The following MACROD2 variants were observed in gnomAD, a reference collection of about 807,000 sequenced individuals.
MACROD2 encodes mono-ADP ribosylhydrolase 2.
Under a neutral mutation model 70.4 loss-of-function variants are expected in MACROD2, and 36 were observed. The observed-to-expected ratio is 0.51, with a 90% confidence interval of 0.39 to 0.68. MACROD2 has a LOEUF of 0.68. Ranked by LOEUF, MACROD2 falls within the 30% of genes least tolerant of loss-of-function variation. MACROD2 has a pLI of 0.00. For synonymous variants in MACROD2, 172 were observed against 178.8 expected, an observed-to-expected ratio of 0.96 and a Z score of 0.30; for missense variants, 496 against 538.4, an observed-to-expected ratio of 0.92 and a Z score of 0.78.
At chr20:14,657,116 A>G (rs906892410) in intron 4 of MACROD2, among the ~76,000 whole-genome samples, 1 of 152,170 alleles carries the variant, frequency 6.6e-6, no homozygotes, top group Non-Finnish European at 1.5e-5. Context: ...ACATTTTTCA[A>G]TGCATTAGTA....
chr20:15,139,238 T>C lies in MACROD2; in HGVS notation c.419-90702T>C, dbSNP rs117598789. 2.0e-5 allele frequency among the ~76,000 whole-genome samples: 3 copies of C among 152,324 alleles called. No homozygotes were observed. In the East Asian group the frequency reaches 5.8e-4, roughly 29 times the overall value. Reference sequence around the variant, plus strand: ...TTTTATGAGGAAAACAATGAACATGTCACCCTGGATTTGGCAGCAGGGAAG... The same window carrying C: ...TTTTATGAGGAAAACAATGAACATGCCACCCTGGATTTGGCAGCAGGGAAG... On this transcript the variant is annotated intron_variant, in intron 5 of 17. Coordinates refer to ENST00000684519, the MANE Select transcript of MACROD2 (RefSeq NM_001351661.2).
At chr20:15,152,002 A>G (rs1349510463) in intron 5 of MACROD2, among the ~76,000 whole-genome samples, 4 of 151,874 alleles carry the variant, frequency 2.6e-5, no homozygotes, top group Admixed American at 1.3e-4. Context: ...GGAGGGAAAG[A>G]AGGAAGATTT....
chr20:14,167,920 G>C (rs1272191601), intron 3 of MACROD2, among the ~76,000 whole-genome samples: 1 of 152,086 alleles, frequency 6.6e-6, no homozygotes, highest in African/African-American at 2.4e-5. Flanking sequence ...GTAATAATTG[G>C]TAACATTAGT....
intron 6 of MACROD2, among the ~76,000 whole-genome samples, chr20:15,351,752 A>G (rs146029017): frequency 9.1e-4 from 138 of 152,330 alleles, no homozygotes; most frequent in Middle Eastern, 3.4e-3. Context: ...GCCCACAAAC[A>G]TGGCTATCTG....
chr20:14,878,437 A>G (rs536663564), intron 5 of MACROD2, among the ~76,000 whole-genome samples: 3 of 152,208 alleles, frequency 2.0e-5, no homozygotes, highest in African/African-American at 4.8e-5. Context: ...CCTCTCTTTT[A>G]TGTATTGTTT....
intron 10 of MACROD2, among the ~76,000 whole-genome samples, chr20:15,927,418 G>A (rs910211677): frequency 2.0e-5 from 3 of 152,160 alleles, no homozygotes; most frequent in Admixed American, 6.5e-5. Flanking sequence ...GAGACTCCAG[G>A]ATTTGGCATG....
intron 2 of MACROD2, among the ~76,000 whole-genome samples, chr20:14,070,739 T>C (rs1295138627): frequency 6.6e-6 from 1 of 152,176 alleles, no homozygotes; most frequent in African/African-American, 2.4e-5. Context: ...GACAACTTAC[T>C]GGTACCCTTG....
chr20:15,332,893 A>G (rs1190160287), intron 6 of MACROD2, among the ~76,000 whole-genome samples: 1 of 151,606 alleles, frequency 6.6e-6, no homozygotes, highest in Non-Finnish European at 1.5e-5. Flanking sequence ...AATTACTGGC[A>G]GGAAACTCAG....
chr20:14,694,087 A>C (rs920919127), intron 5 of MACROD2, among the ~76,000 whole-genome samples: 1 of 152,182 alleles, frequency 6.6e-6, no homozygotes, highest in South Asian at 2.1e-4. Flanking sequence ...AACAAGTCAC[A>C]TAAAAGCAAA....
chr20:15,719,289 A>G lies in MACROD2; in HGVS notation c.646-143456A>G, dbSNP rs191423655. Among the ~76,000 whole-genome samples the G allele has an allele frequency of 1.2e-3, 183 of 152,340 alleles. 2 individuals are homozygous for G. The highest frequency in any genetic ancestry group is 1.8e-3 in the Non-Finnish European group (125 of 68,020). ...AGCTTTGAGGCAGAGACTCCTGCAG[A>G]AGAATTTATGCACTTTGCCGACTCT... On this transcript the variant is annotated intron_variant, in intron 8 of 17. Coordinates refer to ENST00000684519, the MANE Select transcript of MACROD2 (RefSeq NM_001351661.2).
chr20:15,474,818 G>A (rs1247579169), intron 7 of MACROD2, among the ~76,000 whole-genome samples: 1 of 152,080 alleles, frequency 6.6e-6, no homozygotes, highest in Admixed American at 6.6e-5. Context: ...CTGGCTGGAT[G>A]TCAGCCCTAT....
chr20:14,969,793 T>A (rs913672007), intron 5 of MACROD2, among the ~76,000 whole-genome samples: 3 of 152,158 alleles, frequency 2.0e-5, no homozygotes, highest in African/African-American at 7.2e-5. Flanking sequence ...TCACTTTGGG[T>A]CATGGGCCCT....
chr20:15,655,263 C>A (rs1255258488), intron 8 of MACROD2, among the ~76,000 whole-genome samples: 1 of 151,204 alleles, frequency 6.6e-6, no homozygotes, highest in East Asian at 1.9e-4. Flanking sequence ...TGCATATATA[C>A]CTTTTGAAAA....
intron 5 of MACROD2, among the ~76,000 whole-genome samples, chr20:15,193,400 T>G (rs1053776975): frequency 6.6e-6 from 1 of 152,080 alleles, no homozygotes; most frequent in Non-Finnish European, 1.5e-5. Context: ...GGGAGATGCT[T>G]GGAAGGCTGA....
intron 4 of MACROD2, among the ~76,000 whole-genome samples, chr20:14,617,544 A>G (rs909556979): frequency 6.6e-6 from 1 of 152,130 alleles, no homozygotes; most frequent in African/African-American, 2.4e-5. Flanking sequence ...TCTGCAAGAA[A>G]TGTTCTTTTA....
intron 5 of MACROD2, chr20:15,022,927 A>C (rs2075200255): frequency 6.6e-6 from 1 of 152,204 alleles, no homozygotes; most frequent in Admixed American, 6.5e-5. Context: ...TGCAGGGATG[A>C]CATGGAAATT....
chr20:15,767,600 A>C (rs1313308858), intron 8 of MACROD2, among the ~76,000 whole-genome samples: 1 of 152,198 alleles, frequency 6.6e-6, no homozygotes, highest in African/African-American at 2.4e-5. Flanking sequence ...TCTGCCTTGA[A>C]GTGCATGATT....
intron 8 of MACROD2, among the ~76,000 whole-genome samples, chr20:15,592,277 C>A (rs2048690595): frequency 6.6e-6 from 1 of 152,164 alleles, no homozygotes; most frequent in Non-Finnish European, 1.5e-5. Context: ...AATAAATAAT[C>A]ACTTCTATTG....
At chr20:15,048,875 A>C (rs957819320) in intron 5 of MACROD2, among the ~76,000 whole-genome samples, 2 of 152,198 alleles carry the variant, frequency 1.3e-5, no homozygotes, top group African/African-American at 4.8e-5. Context: ...TTTTTAATAC[A>C]TAATGTTTTT....
Sources: gnomAD v4.1 joint callset for allele counts (sites outside exome capture counted in the v4.1 genomes callset) on GRCh38, gnomAD v4.1.1 for gene constraint, MANE v1.5 for transcripts, NCBI Gene and HGNC (gene_info 2026-07-23, HGNC 2026-07-21) for gene names.